The following SYTL3 variants were observed in gnomAD, a reference collection of about 807,000 sequenced individuals.
SYTL3 encodes the protein synaptotagmin like 3.
In SYTL3, 88 loss-of-function variants were observed where a neutral mutation model predicts 82.1. The observed-to-expected ratio is 1.07, with a 90% CI of 0.90 to 1.28. The LOEUF (loss-of-function observed/expected upper bound fraction) is 1.28. Ranked by LOEUF, SYTL3 falls within the 50% of genes most tolerant of loss-of-function variation. The pLI is 0.00. For synonymous variants in SYTL3, 311 were observed against 289.4 expected (o/e 1.07, Z -0.76); for missense variants, 831 against 757.6 (o/e 1.10, Z -1.14).
intron 12 of SYTL3, 49 bp downstream of exon 12, chr6:158,745,707 G>T: frequency 7.4e-7 from 1 of 1,350,948 alleles, no homozygotes; most frequent in South Asian, 1.6e-5. Context: ...ATTCCAAAAT[G>T]TATATGAAAA....
At chr6:158,740,445 G>T (rs1440165074) in intron 11 of SYTL3, among the ~76,000 whole-genome samples, 1 of 152,052 alleles carries the variant, frequency 6.6e-6, no homozygotes, top group East Asian at 1.9e-4. Flanking sequence ...TTATTTTAAA[G>T]TTTATATCTT....
chr6:158,649,940 G>C (rs532361584), upstream of SYTL3: 25 of 152,310 alleles, frequency 1.6e-4, no homozygotes, highest in African/African-American at 6.0e-4. Flanking sequence ...GGCATGTAAG[G>C]CTGGCCACAC....
chr6:158,726,121 C>A (rs2128481849), intron 11 of SYTL3: 2 of 421,484 alleles, frequency 4.7e-6, no homozygotes, highest in East Asian at 5.4e-5. Context: ...ATTGAATAGT[C>A]AGTTGAAGAT....
intron 11 of SYTL3, among the ~76,000 whole-genome samples, chr6:158,730,287 G>C (rs541973903): frequency 1.3e-5 from 2 of 152,226 alleles, no homozygotes; most frequent in African/African-American, 4.8e-5. Context: ...GACAAGCTGC[G>C]TAAAGGATAA....
chr6:158,733,388 C>T (rs1401347007), intron 11 of SYTL3, among the ~76,000 whole-genome samples: 2 of 151,798 alleles, frequency 1.3e-5, no homozygotes, highest in South Asian at 2.1e-4. Flanking sequence ...GTGCAGTGGC[C>T]CAACCTCAGT....
upstream of SYTL3, among the ~76,000 whole-genome samples, chr6:158,648,943 C>T (rs540913259): frequency 1.4e-4 from 21 of 152,290 alleles, 1 homozygote; most frequent in South Asian, 3.7e-3. Context: ...AGCTGGGAAG[C>T]GGAGGCACAG....
intron 9 of SYTL3, among the ~76,000 whole-genome samples, chr6:158,714,372 A>C (rs7746088): frequency 0.018 from 2,794 of 152,266 alleles, 38 homozygotes; most frequent in Non-Finnish European, 0.029. Context: ...AAGAAAAAAA[A>C]AAAAAGATGC....
chr6:158,715,963 C>T (rs1157148424), intron 9 of SYTL3, among the ~76,000 whole-genome samples: 3 of 152,100 alleles, frequency 2.0e-5, no homozygotes, highest in Non-Finnish European at 4.4e-5. Context: ...CTGAGGTCCT[C>T]GGGGAGGGAC....
At chr6:158,727,605 G>A (rs1303041457) in intron 11 of SYTL3, among the ~76,000 whole-genome samples, 3 of 151,968 alleles carry the variant, frequency 2.0e-5, no homozygotes, top group Admixed American at 2.0e-4. Flanking sequence ...AAAGTGTTGT[G>A]GAGGGAATCT....
intron 4 of SYTL3, 137 bp from the exon 5 acceptor site, chr6:158,665,258 A>G (rs1428055940): frequency 1.4e-6 from 1 of 725,746 alleles, no homozygotes; most frequent in Non-Finnish European, 2.3e-6. Flanking sequence ...CAGTTCACAC[A>G]GCCATGTTGG....
chr6:158,745,346 T>G (rs1035286304), intron 11 of SYTL3, 134 bp from the exon 12 acceptor site: 19 of 767,396 alleles, frequency 2.5e-5, no homozygotes, highest in Non-Finnish European at 3.7e-5. Flanking sequence ...AAGTACAAGC[T>G]GGTGCATTAT....
chr6:158,726,076 C>A, intron 11 of SYTL3: 2 of 495,780 alleles, frequency 4.0e-6, no homozygotes, highest in Non-Finnish European at 3.9e-6. Flanking sequence ...TGTAGTGAAA[C>A]ATTAGTTCTT....
At chr6:158,763,230 G>C in intron 16 of SYTL3, 74 bp from the exon 17 acceptor site, 1 of 1,413,702 alleles carries the variant, frequency 7.1e-7, no homozygotes, top group East Asian at 2.3e-5. Context: ...CTTCCCGTCT[G>C]CACTGACGCA....
At chr6:158,744,857 A>G (rs938459249) in intron 11 of SYTL3, among the ~76,000 whole-genome samples, 1 of 152,240 alleles carries the variant, frequency 6.6e-6, no homozygotes, top group Non-Finnish European at 1.5e-5. Flanking sequence ...TCTACATCGT[A>G]TAAGCTTGGA....
intron 11 of SYTL3, among the ~76,000 whole-genome samples, chr6:158,736,561 G>C (rs1334849255): frequency 6.6e-6 from 1 of 152,028 alleles, no homozygotes; most frequent in Non-Finnish European, 1.5e-5. Context: ...GGCCAAGGCG[G>C]GCGGATCACC....
chr6:158,679,069 C>T (rs895641850), intron 5 of SYTL3, among the ~76,000 whole-genome samples: 2 of 152,078 alleles, frequency 1.3e-5, no homozygotes, highest in African/African-American at 4.8e-5. Context: ...AGTGGTCCTC[C>T]TTTGTAAACT....
chr6:158,760,930 TG>T (rs769838983), intron 15 of SYTL3, among the ~76,000 whole-genome samples, 185 bp downstream of exon 15: 1 of 152,100 alleles, frequency 6.6e-6, no homozygotes, highest in Non-Finnish European at 1.5e-5. Context: ...GAGCCCGTAG[TG>T]GGGGAAACGG....
At chr6:158,720,805 G>A (rs1469708634) in intron 10 of SYTL3, among the ~76,000 whole-genome samples, 1 of 152,182 alleles carries the variant, frequency 6.6e-6, no homozygotes, top group Admixed American at 6.5e-5. Context: ...ATGACCAAGA[G>A]CTAGGTGAAG....
intron 6 of SYTL3, among the ~76,000 whole-genome samples, chr6:158,686,036 G>T (rs1279274652): frequency 6.6e-6 from 1 of 152,146 alleles, no homozygotes; most frequent in Non-Finnish European, 1.5e-5. Flanking sequence ...CATTATTTCA[G>T]GTAAGTAGTT....
Sources: gnomAD v4.1 joint callset for allele counts (sites outside exome capture counted in the v4.1 genomes callset) on GRCh38, gnomAD v4.1.1 for gene constraint, MANE v1.5 for transcripts, NCBI Gene and HGNC (gene_info 2026-07-23, HGNC 2026-07-21) for gene names.